Variants in CNTNAP2 observed in about 807,000 individuals in gnomAD.
The protein encoded by CNTNAP2 is contactin associated protein 2.
Under a neutral mutation model 155.2 loss-of-function variants are expected in CNTNAP2, and 98 were observed. The ratio of observed to expected loss-of-function variants is 0.63; its 90% CI spans 0.54 to 0.75. CNTNAP2 has a LOEUF of 0.75. Among genes scored for constraint, CNTNAP2 ranks in the 30% least tolerant of loss-of-function variants. The pLI is 0.00. For synonymous variants in CNTNAP2, 651 were observed against 631.2 expected (o/e 1.03, Z -0.47); for missense variants, 1,727 against 1,688.1 (o/e 1.02, Z -0.40).
intron 1 of CNTNAP2, among the ~76,000 whole-genome samples, chr7:146,703,868 G>T (rs1224721429): frequency 6.6e-6 from 1 of 152,004 alleles, no homozygotes; most frequent in Admixed American, 6.6e-5. Context: ...CCTGAAATTT[G>T]TTCCATTTGT....
chr7:146,822,203 C>G (rs533499618), intron 2 of CNTNAP2, among the ~76,000 whole-genome samples: 1 of 152,164 alleles, frequency 6.6e-6, no homozygotes, highest in Non-Finnish European at 1.5e-5. Context: ...CCATCATTCT[C>G]AGCAAACTAT....
At chr7:147,124,974 G>A (rs543622956) in intron 6 of CNTNAP2, among the ~76,000 whole-genome samples, 9 of 149,208 alleles carry the variant, frequency 6.0e-5, no homozygotes, top group Admixed American at 2.0e-4. Flanking sequence ...TCCGCCTCCC[G>A]GGTTCAAGTG....
At chr7:146,188,593 T>A (rs2116847934) in intron 1 of CNTNAP2, among the ~76,000 whole-genome samples, 1 of 152,330 alleles carries the variant, frequency 6.6e-6, no homozygotes, top group East Asian at 1.9e-4. Context: ...TACCTTGGAC[T>A]CATCTGATTC....
intron 20 of CNTNAP2, among the ~76,000 whole-genome samples, chr7:148,253,947 G>A (rs1304947921): frequency 6.6e-6 from 1 of 151,994 alleles, no homozygotes; most frequent in Non-Finnish European, 1.5e-5. Context: ...AGCAAGGGCC[G>A]ACTTTGCATA....
At chr7:147,343,076 T>G (rs990373121) in intron 9 of CNTNAP2, among the ~76,000 whole-genome samples, 1 of 152,152 alleles carries the variant, frequency 6.6e-6, no homozygotes, top group Non-Finnish European at 1.5e-5. Flanking sequence ...AATCAATACA[T>G]GTTTGTTGAA....
chr7:148,220,730 G>A (rs1250184832), intron 19 of CNTNAP2, among the ~76,000 whole-genome samples: 1 of 151,902 alleles, frequency 6.6e-6, no homozygotes, highest in Non-Finnish European at 1.5e-5. Context: ...CATGTCAAAT[G>A]CTTTAATCAG....
In CNTNAP2 at chr7:146,269,151, C is replaced by A. The variant is rs185057496; in HGVS notation, c.97+152178C>A. ...GGTCAGGAGATCGAGACAATCCTGGCCAACATGGTCAAACCCCGTCTCTAC... is the reference window on the plus strand; with the variant it reads ...GGTCAGGAGATCGAGACAATCCTGGACAACATGGTCAAACCCCGTCTCTAC... On this transcript the variant is annotated intron_variant, in intron 1 of 23. Coordinates refer to ENST00000361727, the MANE Select transcript of CNTNAP2 (RefSeq NM_014141.6). Among the ~76,000 whole-genome samples, 143 of 152,084 alleles carry A rather than the reference C, an allele frequency of 9.4e-4. 2 individuals are homozygous for A. The highest frequency in any genetic ancestry group is 1.2e-3 in the East Asian group (6 of 5,156).
At chr7:147,323,744 A>T (rs1244542259) in intron 9 of CNTNAP2, among the ~76,000 whole-genome samples, 1 of 152,204 alleles carries the variant, frequency 6.6e-6, no homozygotes, top group African/African-American at 2.4e-5. Context: ...CCATCATCCT[A>T]GCCTGAAGCT....
intron 9 of CNTNAP2, 80 bp from the exon 10 acceptor site, chr7:147,395,529 C>A: frequency 7.4e-7 from 1 of 1,358,120 alleles, no homozygotes; most frequent in Non-Finnish European, 1.1e-6. Context: ...ATGGCTGTGG[C>A]CAGGTAGAAT....
intron 1 of CNTNAP2, among the ~76,000 whole-genome samples, chr7:146,520,579 T>G (rs937291996): frequency 6.6e-6 from 1 of 151,734 alleles, no homozygotes; most frequent in African/African-American, 2.4e-5. Flanking sequence ...ATGCAACTGC[T>G]TCTTCCTAGG....
At chr7:146,866,060 A>G (rs1795198901) in intron 3 of CNTNAP2, among the ~76,000 whole-genome samples, 1 of 152,098 alleles carries the variant, frequency 6.6e-6, no homozygotes, top group African/African-American at 2.4e-5. Flanking sequence ...GGTGCCATCC[A>G]AACATAATAA....
At chr7:146,549,131 T>C (rs1798077264) in intron 1 of CNTNAP2, among the ~76,000 whole-genome samples, 1 of 151,896 alleles carries the variant, frequency 6.6e-6, no homozygotes, top group South Asian at 2.1e-4. Context: ...TTACCCAATT[T>C]CCTATCTTTG....
chr7:147,746,795 A>T (rs1483692640), intron 13 of CNTNAP2, among the ~76,000 whole-genome samples: 1 of 152,282 alleles, frequency 6.6e-6, no homozygotes, highest in African/African-American at 2.4e-5. Flanking sequence ...TATAGACCAG[A>T]CACATGAAAT....
At chr7:148,226,211 T>G (rs572963806) in intron 19 of CNTNAP2, among the ~76,000 whole-genome samples, 1 of 152,070 alleles carries the variant, frequency 6.6e-6, no homozygotes, top group Admixed American at 6.5e-5. Flanking sequence ...AATATGCTAT[T>G]ATTAAAAAAA....
intron 3 of CNTNAP2, among the ~76,000 whole-genome samples, chr7:146,972,932 C>G (rs954371641): frequency 6.6e-6 from 1 of 152,122 alleles, no homozygotes; most frequent in Non-Finnish European, 1.5e-5. Flanking sequence ...TCTGTGCTGT[C>G]TAATACCATA....
intron 1 of CNTNAP2, among the ~76,000 whole-genome samples, chr7:146,384,177 A>T (rs1795429269): frequency 6.6e-6 from 1 of 152,244 alleles, no homozygotes; most frequent in South Asian, 2.1e-4. Flanking sequence ...TAAAAGTAAA[A>T]TAATGCAAAA....
At chr7:146,686,342 A>C (rs76058057) in intron 1 of CNTNAP2, among the ~76,000 whole-genome samples, 1 of 152,114 alleles carries the variant, frequency 6.6e-6, no homozygotes, top group South Asian at 2.1e-4. Context: ...ATAGAGTAGC[A>C]GTGCGATTGT....
chr7:147,096,349 A>C lies in CNTNAP2; in HGVS notation c.551-11798A>C, dbSNP rs1243880999. Among the ~76,000 whole-genome samples, 3 of 152,198 alleles carry C rather than the reference A, an allele frequency of 2.0e-5. No homozygotes were observed. The East Asian group carries it at 5.8e-4, about 29-fold the overall frequency. On this transcript the variant is annotated intron_variant, in intron 4 of 23. Coordinates refer to ENST00000361727, the MANE Select transcript of CNTNAP2 (RefSeq NM_014141.6). ...GCTTCCTTGAAAATGTATTGTTTGA[A>C]TAACACCAGCATTCCTGCATATCAT...
chr7:146,745,536 A>G (rs1290908108), intron 1 of CNTNAP2, among the ~76,000 whole-genome samples: 5 of 152,128 alleles, frequency 3.3e-5, no homozygotes, highest in Non-Finnish European at 7.4e-5. Flanking sequence ...TGGGAGGCCA[A>G]GGTGGGTGTA....
Sources: allele counts gnomAD v4.1 joint callset (sites outside exome capture counted in the v4.1 genomes callset), GRCh38; gene constraint gnomAD v4.1.1; transcripts MANE v1.5; gene names NCBI Gene and HGNC (gene_info 2026-07-23, HGNC 2026-07-21).